The following OXR1 variants were observed in gnomAD, a reference collection of about 807,000 sequenced individuals.
The protein encoded by OXR1 is oxidation resistance 1.
OXR1 carries 41 observed loss-of-function variants against 104.6 expected under a neutral mutation model. That is an observed-to-expected ratio of 0.39 (90% confidence interval 0.31 to 0.51). The LOEUF (loss-of-function observed/expected upper bound fraction) is 0.51, where lower values mean the gene tolerates loss of function less well. OXR1 is among the 20% of genes least tolerant of loss of function. The pLI is 0.77. For missense variants in OXR1, 955 were observed against 1,031.9 expected (o/e 0.93, Z 1.02); for synonymous variants, 348 against 348.4 (o/e 1.00, Z 0.01).
At chr8:106,474,543 A>G (rs1260247424) in intron 2 of OXR1, among the ~76,000 whole-genome samples, 1 of 151,926 alleles carries the variant, frequency 6.6e-6, no homozygotes, top group Non-Finnish European at 1.5e-5. Flanking sequence ...GTTGAAAAAA[A>G]AACAAAAGAA....
chr8:106,684,307 C>A lies in OXR1; in HGVS notation c.473C>A (p.Pro158His). ...SSVESSPSLS[P>H]VSPLSPTSSE... Reference sequence around the variant, plus strand: ...GTTGAGAGCTCTCCATCTCTAAGCCCCGTAAGTCCTCTGTCACCAACATCA... The same window carrying A: ...GTTGAGAGCTCTCCATCTCTAAGCCACGTAAGTCCTCTGTCACCAACATCA... Residue 158 changes from proline (P) to histidine (H), a missense_variant, in exon 6 of 17, where the codon CCC (proline) becomes CAC (histidine). Coordinates refer to ENST00000517566, the MANE Select transcript of OXR1 (RefSeq NM_001198533.2). The A allele has an allele frequency of 6.2e-7, 1 of 1,610,716 alleles. No individual in the cohort carries two copies. Among genetic ancestry groups the A allele is most frequent in the South Asian group, 1.1e-5 (1 of 91,006 alleles).
chr8:106,531,311 T>C (rs1396290990), intron 3 of OXR1, among the ~76,000 whole-genome samples: 1 of 152,200 alleles, frequency 6.6e-6, no homozygotes, highest in Admixed American at 6.5e-5. Context: ...ATAAACCCTC[T>C]TAGTATGAGA....
intron 3 of OXR1, chr8:106,657,540 C>G (rs1825218557): frequency 1.3e-5 from 2 of 152,918 alleles, no homozygotes; most frequent in South Asian, 2.1e-4. Context: ...CCCCTGCAGT[C>G]CTGAAAGTCC....
intron 2 of OXR1, among the ~76,000 whole-genome samples, chr8:106,517,242 A>G (rs1299093810): frequency 1.3e-5 from 2 of 152,146 alleles, no homozygotes; most frequent in Admixed American, 1.3e-4. Context: ...ACTATCATAG[A>G]TAGTACTGCT....
intron 1 of OXR1, among the ~76,000 whole-genome samples, chr8:106,285,742 A>G (rs1194187259): frequency 2.0e-5 from 3 of 152,116 alleles, no homozygotes; most frequent in Non-Finnish European, 4.4e-5. Flanking sequence ...GAGCAGTTGC[A>G]GAGAATTATT....
chr8:106,603,870 T>G (rs947180868), intron 3 of OXR1, among the ~76,000 whole-genome samples: 1 of 151,848 alleles, frequency 6.6e-6, no homozygotes, highest in Non-Finnish European at 1.5e-5. Context: ...CTAGCCAACA[T>G]GGTGAAACCC....
intron 1 of OXR1, among the ~76,000 whole-genome samples, chr8:106,310,507 C>T (rs938670417): frequency 6.6e-6 from 1 of 152,078 alleles, no homozygotes; most frequent in African/African-American, 2.4e-5. Flanking sequence ...GATTTTCTCC[C>T]CTTGGGGTTT....
intron 2 of OXR1, among the ~76,000 whole-genome samples, chr8:106,486,366 T>G (rs1001761008): frequency 6.6e-6 from 1 of 152,158 alleles, no homozygotes; most frequent in African/African-American, 2.4e-5. Flanking sequence ...TTGGTTTTCT[T>G]CTAGCAAATT....
chr8:106,746,520 G>A (rs1835409695), intron 16 of OXR1, among the ~76,000 whole-genome samples: 1 of 151,886 alleles, frequency 6.6e-6, no homozygotes, highest in Non-Finnish European at 1.5e-5. Flanking sequence ...ATTAGACATG[G>A]GTATGCTAAA....
At chr8:106,550,909 C>T (rs1189659462) in intron 3 of OXR1, among the ~76,000 whole-genome samples, 2 of 152,174 alleles carry the variant, frequency 1.3e-5, no homozygotes, top group Non-Finnish European at 1.5e-5. Flanking sequence ...CAGAAAAGAA[C>T]TGTTAAAATG....
chr8:106,476,782 G>C (rs532125411), intron 2 of OXR1, among the ~76,000 whole-genome samples: 1 of 151,776 alleles, frequency 6.6e-6, no homozygotes, highest in East Asian at 1.9e-4. Flanking sequence ...GTCCTTTCCC[G>C]GCACCTCAGT....
At chr8:106,474,012 TACACACACACACACAC>T (rs199751152) in intron 2 of OXR1, among the ~76,000 whole-genome samples, 23 of 137,408 alleles carry the variant, frequency 1.7e-4, no homozygotes, top group South Asian at 7.1e-4. Context: ...TGTATATTTA[TACACACACACACACAC>T]ACACACACAC....
chr8:106,306,874 T>C (rs1469186198), intron 1 of OXR1, among the ~76,000 whole-genome samples: 1 of 152,124 alleles, frequency 6.6e-6, no homozygotes, highest in Non-Finnish European at 1.5e-5. Flanking sequence ...TGTGTAGATT[T>C]TATGTAGATT....
chr8:106,688,031 C>T (rs1828913074), intron 6 of OXR1, among the ~76,000 whole-genome samples: 1 of 152,136 alleles, frequency 6.6e-6, no homozygotes, highest in African/African-American at 2.4e-5. Context: ...TACCATTTCG[C>T]ACTATCATCT....
intron 2 of OXR1, among the ~76,000 whole-genome samples, chr8:106,498,311 T>G (rs917550783): frequency 6.6e-6 from 1 of 152,228 alleles, no homozygotes; most frequent in African/African-American, 2.4e-5. Flanking sequence ...CATGGAGTAT[T>G]CCTTTAAACA....
At chr8:106,289,540 A>G (rs1270136766) in intron 1 of OXR1, among the ~76,000 whole-genome samples, 3 of 152,226 alleles carry the variant, frequency 2.0e-5, no homozygotes, top group African/African-American at 2.4e-5. Context: ...AAAACATTCA[A>G]TGCTCATGGA....
At chr8:106,379,537 C>CTTTTTTTT (rs60855438) in intron 2 of OXR1, among the ~76,000 whole-genome samples, 66 of 108,358 alleles carry the variant, frequency 6.1e-4, no homozygotes, top group South Asian at 1.5e-3. Context: ...TTCTTTCTTT[C>CTTTTTTTT]TTTTTTTTTT....
intron 1 of OXR1, among the ~76,000 whole-genome samples, chr8:106,319,731 T>C (rs1211210740): frequency 6.6e-6 from 1 of 152,156 alleles, no homozygotes; most frequent in Non-Finnish European, 1.5e-5. Context: ...CAAAGATAAA[T>C]GGGTTCCTCA....
At chr8:106,634,618 A>G (rs1274718553) in intron 3 of OXR1, among the ~76,000 whole-genome samples, 1 of 152,194 alleles carries the variant, frequency 6.6e-6, no homozygotes, top group African/African-American at 2.4e-5. Context: ...TGATATTCCT[A>G]CAGATCAAGT....
Sources: allele counts gnomAD v4.1 joint callset (sites outside exome capture counted in the v4.1 genomes callset), GRCh38; gene constraint gnomAD v4.1.1; transcripts MANE v1.5; gene names NCBI Gene and HGNC (gene_info 2026-07-23, HGNC 2026-07-21).